NBPF12: variants seen among roughly 807,000 people sequenced by gnomAD.
NBPF12 encodes NBPF family member NBPF12.
A neutral mutation model predicts 146.4 loss-of-function variants in NBPF12; 115 were observed. The ratio of observed to expected loss-of-function variants is 0.79; its 90% CI spans 0.68 to 0.92. The LOEUF (loss-of-function observed/expected upper bound fraction) is 0.92, where lower values mean the gene tolerates loss of function less well. Among genes scored for constraint, NBPF12 ranks in the 40% least tolerant of loss-of-function variants. NBPF12 has a pLI of 0.00. For synonymous variants in NBPF12, 385 were observed against 508.9 expected (o/e 0.76, Z 3.28); for missense variants, 1,205 against 1,326.8 (o/e 0.91, Z 1.43).
At chr1:146,968,615 G>T (rs1553885940) in intron 10 of NBPF12, 65 bp downstream of exon 13, 1 of 1,475,360 alleles carries the variant, frequency 6.8e-7, no homozygotes, top group Non-Finnish European at 9.4e-7. Context: ...ACAACAGCTC[G>T]GTGGGGAGAC....
At chr1:146,966,075 G>T (rs1378619771) in intron 8 of NBPF12, among the ~76,000 whole-genome samples, 1 of 151,784 alleles carries the variant, frequency 6.6e-6, no homozygotes, top group East Asian at 1.9e-4. Context: ...CCTCTGCACT[G>T]CAGCCTGCGC....
upstream of NBPF12, among the ~76,000 whole-genome samples, chr1:146,945,870 G>A (rs1214524599): frequency 1.2e-3 from 189 of 152,056 alleles, no homozygotes; most frequent in African/African-American, 4.3e-3. Context: ...TGGCAATTAC[G>A]TAATGTCCTA....
chr1:146,972,965 G>A lies in NBPF12; in HGVS notation c.1801+5G>A, dbSNP rs2101882400. ...CCAAGCAGCAGAACAAATACAGTAAGATCTATATGCTCACCATCATGAAAG... is the reference window on the plus strand; with the variant it reads ...CCAAGCAGCAGAACAAATACAGTAAAATCTATATGCTCACCATCATGAAAG... On this transcript the variant is annotated splice_donor_5th_base_variant and intron_variant, in intron 14 of 33. Transcript: ENST00000617844. 1.1e-6 allele frequency: 1 copy of A among 910,410 alleles called. No individual in the cohort carries two copies. The highest frequency in any genetic ancestry group is 1.9e-6 in the Non-Finnish European group (1 of 539,158). 56.4% of individuals were successfully genotyped at this position (910,410 alleles called of 1,614,324 possible).
chr1:146,965,662 G>A lies in NBPF12; in HGVS notation c.778+558G>A, dbSNP rs1442897331. 4.7e-5 allele frequency among the ~76,000 whole-genome samples: 7 copies of A among 149,872 alleles called. 1 individual carries two copies. Among genetic ancestry groups the A allele is most frequent in the Non-Finnish European group, 7.4e-5 (5 of 67,660 alleles). On this transcript the variant is annotated intron_variant, in intron 8 of 33. Coordinates refer to ENST00000617844, the Ensembl canonical transcript of NBPF12. ...AAAAAATTAGCTGGGCGCGGTGGTG[G>A]GCACCTGTAGTCCCAGCTACTCAGG...
chr1:146,986,138 CCTCT>C (rs1181047928), intron 23 of NBPF12, among the ~76,000 whole-genome samples: 3 of 150,700 alleles, frequency 2.0e-5, no homozygotes, highest in East Asian at 1.9e-4. Context: ...CTCACTTTCT[CCTCT>C]CTCTCTCTCT....
chr1:146,969,703 A>C (rs1225900038), intron 11 of NBPF12, 107 bp downstream of exon 14: 1 of 1,566,404 alleles, frequency 6.4e-7, no homozygotes, highest in East Asian at 2.3e-5. Context: ...TTTTTCTACT[A>C]CACATGTGTG....
intron 19 of NBPF12, among the ~76,000 whole-genome samples, chr1:146,982,335 T>C (rs1169175514): frequency 1.3e-5 from 2 of 148,630 alleles, no homozygotes; most frequent in Non-Finnish European, 3.0e-5. Flanking sequence ...TCTGTTGGAG[T>C]TTGCTGGAAG....
At chr1:146,940,678 AT>A (rs1654760478) in intron 1 of NBPF12, among the ~76,000 whole-genome samples, 1 of 152,064 alleles carries the variant, frequency 6.6e-6, no homozygotes, top group Non-Finnish European at 1.5e-5. Flanking sequence ...TTAGAGCTAT[AT>A]GAATGATAAA....
chr1:146,957,836 AATAT>A (rs1378772205), intron 2 of NBPF12, among the ~76,000 whole-genome samples: 1 of 118,920 alleles, frequency 8.4e-6, no homozygotes, highest in African/African-American at 3.0e-5. Flanking sequence ...AGAAAAAAAA[AATAT>A]AATATATATA....
intron 10 of NBPF12, among the ~76,000 whole-genome samples, chr1:146,968,899 C>T (rs1656380067): frequency 6.6e-6 from 1 of 151,284 alleles, no homozygotes; most frequent in Admixed American, 6.6e-5. Flanking sequence ...AGAATCACCT[C>T]CTGACTGACT....
intron 13 of NBPF12, among the ~76,000 whole-genome samples, 154 bp downstream of exon 16, chr1:146,971,548 G>A (rs1451497430): frequency 1.8e-4 from 26 of 145,988 alleles, no homozygotes; most frequent in Non-Finnish European, 3.6e-4. Flanking sequence ...ACAGCACTTT[G>A]GAAGGCCCAA....
chr1:146,951,715 T>C, intron 2 of NBPF12: 2 of 472,232 alleles, frequency 4.2e-6, no homozygotes, highest in South Asian at 2.7e-5. Context: ...TTAATGTATC[T>C]TAAGGTTTTA....
At position 146,972,971 on chromosome 1, in the gene NBPF12, T is replaced by C. The variant is rs1553886829; in HGVS notation, c.1801+11T>C. On this transcript the variant is annotated intron_variant, in intron 14 of 33. Coordinates refer to ENST00000617844, the Ensembl canonical transcript of NBPF12. Reference sequence around the variant, plus strand: ...AGCAGAACAAATACAGTAAGATCTATATGCTCACCATCATGAAAGTGATGA... The same window carrying C: ...AGCAGAACAAATACAGTAAGATCTACATGCTCACCATCATGAAAGTGATGA... The C allele has an allele frequency of 5.0e-5, 45 of 908,594 alleles. 3 individuals carry two copies. Among genetic ancestry groups the C allele is most frequent in the Middle Eastern group, 3.2e-4 (1 of 3,172 alleles). 56.3% of individuals were successfully genotyped at this position (908,594 alleles called of 1,614,324 possible). A position where few individuals can be genotyped will look rare whatever the true frequency, so the allele number is the denominator to read the frequency against.
At chr1:146,977,334 T>C (rs1400306926) in intron 17 of NBPF12, 132 bp from the exon 21 acceptor site, 14 of 1,079,372 alleles carry the variant, frequency 1.3e-5, no homozygotes, top group African/African-American at 1.1e-4. Flanking sequence ...ATGTTCCCTC[T>C]TAATGGGAAC....
At chr1:146,965,252 C>T (rs1656113784) in intron 8 of NBPF12, 148 bp downstream of exon 11, 5 of 677,356 alleles carry the variant, frequency 7.4e-6, no homozygotes, top group Admixed American at 2.3e-5. Flanking sequence ...ATAATCACAG[C>T]ACTTTGGAAG....
intron 1 of NBPF12, among the ~76,000 whole-genome samples, chr1:146,939,966 C>T (rs1164769691): frequency 7.5e-6 from 1 of 133,034 alleles, no homozygotes; most frequent in Non-Finnish European, 1.6e-5. Flanking sequence ...GCCTGGGTGA[C>T]AGAGCGAGAC....
intron 9 of NBPF12, among the ~76,000 whole-genome samples, chr1:146,967,686 C>T (rs1223403396): frequency 6.7e-6 from 1 of 149,658 alleles, no homozygotes; most frequent in African/African-American, 2.5e-5. Flanking sequence ...TGGGCTCCAT[C>T]CAAGGTGCTT....
chr1:146,949,218 C>G (rs1258531118), upstream of NBPF12: 1 of 151,896 alleles, frequency 6.6e-6, no homozygotes, highest in African/African-American at 2.4e-5. Flanking sequence ...TGTACTTTGT[C>G]TCTGTGTCTC....
At chr1:146,965,026 G>A (rs1553885422) in exon 8 of NBPF12, 1 of 1,608,538 alleles carries the variant, frequency 6.2e-7, no homozygotes, top group Admixed American at 1.7e-5. Context: ...ATTTGAGGAA[G>A]ACAAAGTCAA....
Sources: allele counts gnomAD v4.1 joint callset (sites outside exome capture counted in the v4.1 genomes callset), GRCh38; gene constraint gnomAD v4.1.1; transcripts MANE v1.5; gene names NCBI Gene and HGNC (gene_info 2026-07-23, HGNC 2026-07-21).